The following MRTFA variants were observed in gnomAD, a reference collection of about 807,000 sequenced individuals.
MRTFA encodes the protein myocardin related transcription factor A.
MRTFA carries 20 observed loss-of-function variants against 83.5 expected under a neutral mutation model. The ratio of observed to expected loss-of-function variants is 0.24; its 90% confidence interval spans 0.17 to 0.35. The LOEUF is 0.35. MRTFA is among the 10% of genes least tolerant of loss of function. MRTFA has a pLI of 1.00. For missense variants in MRTFA, 1,200 were observed against 1,224.7 expected (o/e 0.98, Z 0.30); for synonymous variants, 659 against 541.2 (o/e 1.22, Z -3.02).
intron 7 of MRTFA, 115 bp from the exon 8 acceptor site, chr22:40,424,496 G>C (rs565632057): frequency 7.1e-6 from 8 of 1,123,248 alleles, no homozygotes; most frequent in Middle Eastern, 2.4e-4. Context: ...CACATGCCCC[G>C]TGAGGCAGGC....
intron 3 of MRTFA, among the ~76,000 whole-genome samples, chr22:40,470,231 T>TTATTTATATATA (rs1555976859): frequency 2.2e-5 from 1 of 45,650 alleles, no homozygotes; most frequent in East Asian, 9.4e-4. Context: ...CTCCAAAATT[T>TTATTTATATATA]TATATATATA....
At chr22:40,567,305 T>G (rs1457206112) in intron 2 of MRTFA, among the ~76,000 whole-genome samples, 1 of 152,206 alleles carries the variant, frequency 6.6e-6, no homozygotes, top group Non-Finnish European at 1.5e-5. Context: ...CTTATGATTC[T>G]CAATCCTTTT....
At chr22:40,450,752 C>T (rs1330604624) in intron 4 of MRTFA, among the ~76,000 whole-genome samples, 2 of 152,172 alleles carry the variant, frequency 1.3e-5, no homozygotes, top group Non-Finnish European at 2.9e-5. Context: ...GCCACCACAC[C>T]CAGCCTCCTC....
chr22:40,488,597 C>T (rs1365816100), intron 3 of MRTFA, among the ~76,000 whole-genome samples: 1 of 151,828 alleles, frequency 6.6e-6, no homozygotes, highest in Admixed American at 6.6e-5. Context: ...TTTGAGAGGC[C>T]AAGGCGGGCG....
At chr22:40,623,315 T>G (rs373195633) in intron 1 of MRTFA, among the ~76,000 whole-genome samples, 21 of 122,088 alleles carry the variant, frequency 1.7e-4, no homozygotes, top group African/African-American at 5.3e-4. Context: ...TTCAGGATAC[T>G]GTCTTTTTTT....
At chr22:40,551,515 G>A (rs2055444251) in intron 3 of MRTFA, among the ~76,000 whole-genome samples, 1 of 152,136 alleles carries the variant, frequency 6.6e-6, no homozygotes, top group East Asian at 1.9e-4. Context: ...CTACAAGTGT[G>A]TGCCACCAAG....
intron 1 of MRTFA, among the ~76,000 whole-genome samples, chr22:40,627,802 C>T (rs1482669726): frequency 5.3e-5 from 8 of 152,124 alleles, no homozygotes; most frequent in Non-Finnish European, 7.4e-5. Flanking sequence ...AACACTGTGA[C>T]ACCCCGCCTG....
intron 2 of MRTFA, among the ~76,000 whole-genome samples, chr22:40,561,196 CTGTG>C (rs752792495): frequency 7.1e-6 from 1 of 140,702 alleles, no homozygotes; most frequent in African/African-American, 2.7e-5. Context: ...ATGGGTATCT[CTGTG>C]TGTGTGTGTG....
chr22:40,526,002 T>A (rs2054965032), intron 3 of MRTFA, among the ~76,000 whole-genome samples: 2 of 151,716 alleles, frequency 1.3e-5, no homozygotes, highest in African/African-American at 4.8e-5. Context: ...GGAGTGCGCC[T>A]AACTAAAAAA....
chr22:40,475,274 A>T (rs2053974200), intron 3 of MRTFA, among the ~76,000 whole-genome samples: 1 of 152,032 alleles, frequency 6.6e-6, no homozygotes, highest in Admixed American at 6.6e-5. Context: ...GTGGTGGTTC[A>T]CGTCTGTAAT....
intron 2 of MRTFA, among the ~76,000 whole-genome samples, chr22:40,588,463 T>C (rs2056066236): frequency 2.0e-5 from 3 of 152,206 alleles, no homozygotes; most frequent in African/African-American, 2.4e-5. Context: ...CAGTGATGCA[T>C]CTCCCACCCA....
At chr22:40,601,775 C>T (rs2056261940) in intron 1 of MRTFA, among the ~76,000 whole-genome samples, 1 of 152,122 alleles carries the variant, frequency 6.6e-6, no homozygotes, top group Non-Finnish European at 1.5e-5. Context: ...CAGAGCAAGA[C>T]TTTGTCTCTT....
At chr22:40,494,739 A>T (rs2054323618) in intron 3 of MRTFA, among the ~76,000 whole-genome samples, 1 of 152,140 alleles carries the variant, frequency 6.6e-6, no homozygotes, top group Non-Finnish European at 1.5e-5. Context: ...AGCAATTTTT[A>T]AAAACCCAAT....
chr22:40,599,335 A>G (rs903920520), intron 1 of MRTFA, among the ~76,000 whole-genome samples: 2 of 152,170 alleles, frequency 1.3e-5, no homozygotes, highest in African/African-American at 2.4e-5. Context: ...AGAAAACTAT[A>G]GCAATTATTT....
intron 9 of MRTFA, among the ~76,000 whole-genome samples, chr22:40,423,077 A>G (rs910600245): frequency 1.3e-5 from 2 of 152,202 alleles, no homozygotes; most frequent in African/African-American, 4.8e-5. Flanking sequence ...AGCAATGCCC[A>G]GCACAGGTCC....
intron 1 of MRTFA, among the ~76,000 whole-genome samples, chr22:40,607,303 G>A (rs568972271): frequency 1.5e-4 from 23 of 152,202 alleles, no homozygotes; most frequent in African/African-American, 5.3e-4. Flanking sequence ...AGGAAATCGA[G>A]ACCATCCTGG....
At position 40,503,350 on chromosome 22, in the gene MRTFA, C is replaced by G. The variant is rs1315112563; in HGVS notation, c.242-40064G>C. Among the ~76,000 whole-genome samples the G allele has an allele frequency of 2.0e-5, 3 of 152,224 alleles. No homozygotes were observed. In the East Asian group the frequency reaches 5.8e-4, roughly 29 times the overall value. ...GTAGTCTGGGGGCCAGGCATGATTACAGGCGTGTGCCACTATGCGCAGCTA... is the reference window on the plus strand; with the variant it reads ...GTAGTCTGGGGGCCAGGCATGATTAGAGGCGTGTGCCACTATGCGCAGCTA... On this transcript the variant is annotated intron_variant, in intron 3 of 14. Coordinates refer to ENST00000355630, the MANE Select transcript of MRTFA (RefSeq NM_020831.6).
intron 1 of MRTFA, among the ~76,000 whole-genome samples, chr22:40,609,744 T>C (rs2056363530): frequency 1.3e-5 from 2 of 151,858 alleles, no homozygotes; most frequent in African/African-American, 2.4e-5. Context: ...GGCAGGAGAA[T>C]TGCTTGAACC....
At chr22:40,449,532 G>A (rs1432514927) in intron 4 of MRTFA, among the ~76,000 whole-genome samples, 1 of 152,160 alleles carries the variant, frequency 6.6e-6, no homozygotes, top group Non-Finnish European at 1.5e-5. Flanking sequence ...TAGGCCTTAA[G>A]AATAATCTTT....
Sources: allele counts gnomAD v4.1 joint callset (sites outside exome capture counted in the v4.1 genomes callset), GRCh38; gene constraint gnomAD v4.1.1; transcripts MANE v1.5; gene names NCBI Gene and HGNC (gene_info 2026-07-23, HGNC 2026-07-21).